SRGAP1: variants seen among roughly 807,000 people sequenced by gnomAD.
SRGAP1 encodes the protein SLIT-ROBO Rho GTPase-activating protein 1.
SRGAP1 carries 43 observed loss-of-function variants against 121.9 expected under a neutral mutation model. The observed-to-expected ratio is 0.35, with a 90% confidence interval of 0.28 to 0.46. The LOEUF is 0.46. Among genes scored for constraint, SRGAP1 ranks in the 20% least tolerant of loss-of-function variants. The probability of loss-of-function intolerance (pLI) is 1.00; values close to 1 mark genes in which losing one functional copy is unlikely to be tolerated. For synonymous variants in SRGAP1, 447 were observed against 485.4 expected (o/e 0.92, Z 1.04); for missense variants, 1,102 against 1,350.9 (o/e 0.82, Z 2.89).
At chr12:64,119,794 G>C in intron 18 of SRGAP1, among the ~76,000 whole-genome samples, 1 of 96,278 alleles carries the variant, frequency 1.0e-5, no homozygotes, top group East Asian at 2.8e-4. Context: ...TTTTTTGGCA[G>C]AGTTTTGCTT....
Position 64,150,934 on chromosome 12 carries a change from C to CAAAAAAAAAAAAAAAAAAA in SRGAP1, c.*8270_*8288dup, listed in dbSNP as rs750351170. ...TGGGTGGAAGAGTGAGAAGCTATCT[C>CAAAAAAAAAAAAAAAAAAA]AAAAAAAAAAAAAAAAAAAAAAAAA... On this transcript the variant is annotated 3_prime_UTR_variant, in exon 22 of 22. Coordinates refer to ENST00000355086, the MANE Select transcript of SRGAP1 (RefSeq NM_020762.4). The CAAAAAAAAAAAAAAAAAAA allele has an allele frequency of 2.5e-3, 61 of 24,714 alleles. 9 individuals carry two copies. Among genetic ancestry groups the CAAAAAAAAAAAAAAAAAAA allele is most frequent in the Non-Finnish European group, 4.4e-3 (42 of 9,646 alleles). 1.5% of individuals were successfully genotyped at this position (24,714 alleles called of 1,614,324 possible).
At chr12:64,101,308 G>GGTGTGTGTTT (rs1555174260) in intron 15 of SRGAP1, among the ~76,000 whole-genome samples, 2 of 138,010 alleles carry the variant, frequency 1.4e-5, no homozygotes, top group African/African-American at 5.3e-5. Context: ...TGGGGAAAGG[G>GGTGTGTGTTT]GTGTGTGTGT....
At chr12:64,046,624 A>G (rs1170063298) in intron 6 of SRGAP1, among the ~76,000 whole-genome samples, 2 of 152,140 alleles carry the variant, frequency 1.3e-5, no homozygotes, top group African/African-American at 4.8e-5. Flanking sequence ...GTTACTGATA[A>G]TGCCATCTAC....
At chr12:64,066,335 GACAAACC>G (rs2035540147) in intron 8 of SRGAP1, among the ~76,000 whole-genome samples, 1 of 152,106 alleles carries the variant, frequency 6.6e-6, no homozygotes, top group African/African-American at 2.4e-5. Context: ...CATACTTCTG[GACAAACC>G]ATTACATCTA....
At chr12:63,954,677 CAAAA>C (rs60508657) in intron 1 of SRGAP1, among the ~76,000 whole-genome samples, 6,570 of 104,616 alleles carry the variant, frequency 0.063, 623 homozygotes, top group African/African-American at 0.22. Flanking sequence ...GACTCCATCT[CAAAA>C]AAAAAAAAAA....
chr12:64,087,021 T>C lies in SRGAP1; in HGVS notation c.1431T>C (p.Thr477=). 6.3e-7 allele frequency: 1 copy of C among 1,590,812 alleles called. No homozygotes were observed. Among genetic ancestry groups the C allele is most frequent in the Non-Finnish European group, 8.6e-7 (1 of 1,166,568 alleles). ...LGEGHRAEYM[T]TRPPNVPPKP... is the part of the protein sequence containing the mutation. ...CAGGTCATAGAGCTGAATATATGACTACAAGGTAGGAAAATATTTTATCAT... is the reference window on the plus strand; with the variant it reads ...CAGGTCATAGAGCTGAATATATGACCACAAGGTAGGAAAATATTTTATCAT... Residue 477 remains threonine (T), a synonymous_variant, in exon 11 of 22, where the codon ACT becomes ACC. Coordinates refer to ENST00000355086, the MANE Select transcript of SRGAP1 (RefSeq NM_020762.4).
intron 1 of SRGAP1, among the ~76,000 whole-genome samples, chr12:63,939,903 G>A (rs1213248096): frequency 6.6e-6 from 1 of 151,966 alleles, no homozygotes; most frequent in Non-Finnish European, 1.5e-5. Context: ...TGAGTGTGTT[G>A]TCTTCACTCC....
chr12:63,862,146 A>G (rs1412801018), intron 1 of SRGAP1, among the ~76,000 whole-genome samples: 2 of 152,216 alleles, frequency 1.3e-5, no homozygotes, highest in Non-Finnish European at 2.9e-5. Flanking sequence ...CACACACCTC[A>G]TGAGTCAAAG....
Position 63,867,013 on chromosome 12 carries a change from C to T in SRGAP1, c.67+22130C>T, listed in dbSNP as rs145790361. 1.3e-3 allele frequency among the ~76,000 whole-genome samples: 203 copies of T among 152,252 alleles called. 1 individual carries two copies. The highest frequency in any genetic ancestry group is 4.8e-3 in the African/African-American group (198 of 41,542). On this transcript the variant is annotated intron_variant, in intron 1 of 21. Coordinates refer to ENST00000355086, the MANE Select transcript of SRGAP1 (RefSeq NM_020762.4). The stretch of plus-strand genomic sequence containing the variant: ...CCTTCTGAGTAGCTGGGACTACAGG[C>T]GTTCATCACTATTCCCAGCTAATTT...
In SRGAP1 at chr12:64,128,040, C is replaced by G; in HGVS notation, c.2720C>G (p.Pro907Arg). 3 of 1,614,136 alleles carry G rather than the reference C, an allele frequency of 1.9e-6. No homozygotes were observed. Among genetic ancestry groups the G allele is most frequent in the Non-Finnish European group, 2.5e-6 (3 of 1,180,026 alleles). Residue 907 changes from proline (P) to arginine (R), a missense_variant, in exon 21 of 22, where the codon CCT becomes CGT. Coordinates refer to ENST00000355086, the MANE Select transcript of SRGAP1 (RefSeq NM_020762.4). ...LQNRGLNNDS[P>R]ERRRRPGHGS... ...AACCGTGGCCTCAACAATGACAGTC[C>G]TGAGCGGAGGCGCAGGCCTGGCCAT...
At chr12:64,022,380 C>T (rs2034568690) in intron 4 of SRGAP1, among the ~76,000 whole-genome samples, 1 of 152,262 alleles carries the variant, frequency 6.6e-6, no homozygotes, top group African/African-American at 2.4e-5. Flanking sequence ...AGCTCAAAGA[C>T]CATCACACAG....
chr12:64,130,149 G>A (rs975208701), intron 21 of SRGAP1, among the ~76,000 whole-genome samples: 1 of 152,166 alleles, frequency 6.6e-6, no homozygotes, highest in African/African-American at 2.4e-5. Context: ...TGGATCTCCT[G>A]TATTCCATGC....
chr12:64,089,260 A>C (rs1289602241), intron 11 of SRGAP1, among the ~76,000 whole-genome samples: 1 of 152,152 alleles, frequency 6.6e-6, no homozygotes. Flanking sequence ...CCCAAAGCCC[A>C]CTGGAATCAT....
chr12:63,921,942 CTATT>C (rs2031066739), intron 1 of SRGAP1, among the ~76,000 whole-genome samples: 1 of 151,504 alleles, frequency 6.6e-6, no homozygotes, highest in Non-Finnish European at 1.5e-5. Flanking sequence ...TCTGCATCCA[CTATT>C]TATTGTGAAG....
chr12:63,918,065 T>C (rs2136323831), intron 1 of SRGAP1, among the ~76,000 whole-genome samples: 1 of 152,312 alleles, frequency 6.6e-6, no homozygotes, highest in South Asian at 2.1e-4. Context: ...GGATGCCCAA[T>C]TGGTTCACAT....
In SRGAP1 at chr12:64,097,412, T is replaced by A. The variant is rs372747228; in HGVS notation, c.1813+37T>A. On this transcript the variant is annotated intron_variant, in intron 15 of 21. Coordinates refer to ENST00000355086, the MANE Select transcript of SRGAP1 (RefSeq NM_020762.4). ...TTTTTTTCATCTTTTCCCACAAGAA[T>A]TATTTCACTAGCTAACTTCCTGGAA... The A allele has an allele frequency of 8.0e-5, 128 of 1,606,652 alleles. No homozygotes were observed. The African/African-American group carries it at 1.4e-3, about 18-fold the overall frequency.
chr12:63,949,186 T>TATATTTTCCATATATATA (rs57672780), intron 1 of SRGAP1, among the ~76,000 whole-genome samples: 1 of 124,330 alleles, frequency 8.0e-6, no homozygotes, highest in East Asian at 2.5e-4. Context: ...TCCATATATA[T>TATATTTTCCATATATATA]TTTTTTTTCC....
intron 7 of SRGAP1, among the ~76,000 whole-genome samples, chr12:64,063,890 T>G (rs1258334101): frequency 1.3e-5 from 2 of 151,882 alleles, no homozygotes; most frequent in African/African-American, 4.8e-5. Context: ...CTATGTTTTT[T>G]TCTGAAACAC....
At chr12:64,097,694 T>G (rs2036186089) in intron 15 of SRGAP1, 1 of 223,958 alleles carries the variant, frequency 4.5e-6, no homozygotes, top group African/African-American at 2.3e-5. Flanking sequence ...CTGGGAAATG[T>G]GACCTTTTCT....
Sources: allele counts gnomAD v4.1 joint callset (sites outside exome capture counted in the v4.1 genomes callset), GRCh38; gene constraint gnomAD v4.1.1; transcripts MANE v1.5; gene names NCBI Gene and HGNC (gene_info 2026-07-23, HGNC 2026-07-21).